The following CCDC102B variants were observed in gnomAD, a reference collection of about 807,000 sequenced individuals.
CCDC102B encodes coiled-coil domain containing 102B.
In CCDC102B, 75 loss-of-function variants were observed where a neutral mutation model predicts 57.4. The ratio of observed to expected loss-of-function variants is 1.31; its 90% CI spans 1.08 to 1.58. CCDC102B has a LOEUF of 1.58. Ranked by LOEUF, CCDC102B falls within the 40% of genes most tolerant of loss-of-function variation. The pLI is 0.00. For missense variants in CCDC102B, 636 were observed against 582.6 expected (o/e 1.09, Z -0.94); for synonymous variants, 206 against 201.9 (o/e 1.02, Z -0.17).
chr18:68,762,620 G>A (rs1342042682), intron 2 of CCDC102B, among the ~76,000 whole-genome samples: 1 of 152,090 alleles, frequency 6.6e-6, no homozygotes, highest in Non-Finnish European at 1.5e-5. Flanking sequence ...AAGTAAAAAG[G>A]TGAAAGTTCT....
At chr18:68,954,997 C>A (rs1457358221) in intron 6 of CCDC102B, among the ~76,000 whole-genome samples, 2 of 152,110 alleles carry the variant, frequency 1.3e-5, no homozygotes, top group African/African-American at 4.8e-5. Context: ...TTGTATCTTG[C>A]CAGCTGTTAA....
chr18:68,746,704 G>A (rs1034011882), intron 2 of CCDC102B, among the ~76,000 whole-genome samples: 10 of 150,954 alleles, frequency 6.6e-5, no homozygotes, highest in South Asian at 2.1e-4. Flanking sequence ...TTCGTCCCAC[G>A]GATTCCATGT....
chr18:68,922,409 C>T (rs1381740902), intron 6 of CCDC102B, among the ~76,000 whole-genome samples: 1 of 152,068 alleles, frequency 6.6e-6, no homozygotes, highest in Non-Finnish European at 1.5e-5. Context: ...TTGTTTAGGC[C>T]TCAAGAACAG....
chr18:68,976,792 T>G (rs1281754597), intron 6 of CCDC102B, among the ~76,000 whole-genome samples: 1 of 152,012 alleles, frequency 6.6e-6, no homozygotes, highest in Non-Finnish European at 1.5e-5. Context: ...TATTTATTTT[T>G]CAAAATTTCC....
intron 4 of CCDC102B, among the ~76,000 whole-genome samples, chr18:68,863,929 T>C (rs1298752512): frequency 6.6e-6 from 1 of 151,990 alleles, no homozygotes; most frequent in African/African-American, 2.4e-5. Flanking sequence ...TGACAAGATA[T>C]ACTGGAATCA....
intron 7 of CCDC102B, among the ~76,000 whole-genome samples, chr18:69,011,684 G>GTT (rs60345326): frequency 6.7e-6 from 1 of 148,690 alleles, no homozygotes; most frequent in African/African-American, 2.5e-5. Context: ...TTTGTTTTTT[G>GTT]TTTTTTTTTA....
chr18:68,994,043 G>GCCT (rs2050949510), intron 6 of CCDC102B, among the ~76,000 whole-genome samples: 1 of 151,948 alleles, frequency 6.6e-6, no homozygotes, highest in Non-Finnish European at 1.5e-5. Context: ...ATTTAAATCA[G>GCCT]CCTCTAGCCA....
At chr18:68,915,925 T>G (rs775929266) in intron 6 of CCDC102B, among the ~76,000 whole-genome samples, 49 of 152,196 alleles carry the variant, frequency 3.2e-4, no homozygotes, top group Middle Eastern at 3.2e-3. Flanking sequence ...TTGCAATCCC[T>G]CTCCTTGTTT....
rs73463843 is a variant in CCDC102B at position 68,927,203 on chromosome 18, C to T, written c.1263+29775C>T. ...CCATAATCTGGAAATAATTTTTAAC[C>T]TCATTAAGTTCCAGAATTTTTTAAA... On this transcript the variant is annotated intron_variant, in intron 6 of 7. Coordinates refer to ENST00000360242, the MANE Select transcript of CCDC102B (RefSeq NM_024781.3). Among the ~76,000 whole-genome samples the T allele has an allele frequency of 5.4e-3, 821 of 151,992 alleles. 5 individuals are homozygous for T. Among genetic ancestry groups the T allele is most frequent in the African/African-American group, 0.018 (763 of 41,504 alleles).
At chr18:68,991,603 A>T (rs1442952174) in intron 6 of CCDC102B, among the ~76,000 whole-genome samples, 1 of 152,212 alleles carries the variant, frequency 6.6e-6, no homozygotes. Flanking sequence ...AATTTTGGTG[A>T]CTAACCATTA....
chr18:68,737,465 TG>T, intron 2 of CCDC102B, among the ~76,000 whole-genome samples: 1 of 151,126 alleles, frequency 6.6e-6, no homozygotes, highest in East Asian at 1.9e-4. Context: ...GTGGTGGTGG[TG>T]GTGGTAGTGG....
chr18:69,011,356 G>A (rs1409393324), intron 7 of CCDC102B: 7 of 376,486 alleles, frequency 1.9e-5, no homozygotes, highest in African/African-American at 1.4e-4. Flanking sequence ...TTGTGTGCAC[G>A]TGCGCATGTG....
intron 6 of CCDC102B, among the ~76,000 whole-genome samples, chr18:68,956,442 ATT>A (rs2049872871): frequency 6.4e-5 from 1 of 15,740 alleles, no homozygotes; most frequent in South Asian, 2.7e-3. Context: ...TTTTATATAT[ATT>A]ATATATATTA....
At chr18:68,727,270 T>C (rs1231914482) in intron 2 of CCDC102B, among the ~76,000 whole-genome samples, 1 of 152,198 alleles carries the variant, frequency 6.6e-6, no homozygotes, top group African/African-American at 2.4e-5. Flanking sequence ...CCCATAACCA[T>C]GGTCAATAGT....
At chr18:68,720,179 G>A (rs1035767754) in intron 2 of CCDC102B, among the ~76,000 whole-genome samples, 2 of 152,164 alleles carry the variant, frequency 1.3e-5, no homozygotes, top group African/African-American at 4.8e-5. Context: ...GACATGTTGT[G>A]CTGTAAAGGT....
chr18:68,893,167 C>T (rs1437260632), intron 5 of CCDC102B, among the ~76,000 whole-genome samples: 7 of 152,070 alleles, frequency 4.6e-5, no homozygotes, highest in Admixed American at 4.6e-4. Flanking sequence ...AAATTTATGA[C>T]TTTAGACATT....
At chr18:68,955,036 C>T (rs4132249) in intron 6 of CCDC102B, among the ~76,000 whole-genome samples, 45,486 of 152,046 alleles carry the variant, frequency 0.3, 8,416 homozygotes, top group African/African-American at 0.51. Flanking sequence ...TATCACACCT[C>T]TATTTTGCTT....
chr18:68,796,455 G>A (rs1011571400), upstream of CCDC102B, among the ~76,000 whole-genome samples: 1 of 152,040 alleles, frequency 6.6e-6, no homozygotes, highest in Non-Finnish European at 1.5e-5. Context: ...GGGGTATAGT[G>A]GGCTGACAAA....
chr18:68,813,318 A>C (rs1425995296), intron 1 of CCDC102B, among the ~76,000 whole-genome samples: 1 of 151,866 alleles, frequency 6.6e-6, no homozygotes, highest in Non-Finnish European at 1.5e-5. Flanking sequence ...AATTAAACCT[A>C]TTTTCTTCAT....
Sources: allele counts gnomAD v4.1 joint callset (sites outside exome capture counted in the v4.1 genomes callset), GRCh38; gene constraint gnomAD v4.1.1; transcripts MANE v1.5; gene names NCBI Gene and HGNC (gene_info 2026-07-23, HGNC 2026-07-21).